The following PNPLA7 variants were observed in gnomAD, a reference collection of about 807,000 sequenced individuals.
PNPLA7 encodes the protein patatin like domain 7, lysophospholipase.
A neutral mutation model predicts 161.7 loss-of-function variants in PNPLA7; 153 were observed. The ratio of observed to expected loss-of-function variants is 0.95; its 90% CI spans 0.83 to 1.08. The LOEUF (loss-of-function observed/expected upper bound fraction) is 1.08, where lower values mean the gene tolerates loss of function less well. Among genes scored for constraint, PNPLA7 ranks in the 50% least tolerant of loss-of-function variants. PNPLA7 has a pLI of 0.00. For missense variants in PNPLA7, 1,739 were observed against 1,856.6 expected (o/e 0.94, Z 1.16); for synonymous variants, 809 against 782.1 (o/e 1.03, Z -0.57).
At chr9:137,510,697 T>C (rs1834177286) in intron 12 of PNPLA7, among the ~76,000 whole-genome samples, 1 of 152,190 alleles carries the variant, frequency 6.6e-6, no homozygotes, top group South Asian at 2.1e-4. Context: ...CTTTGTCTTG[T>C]GTCTTTATTT....
At chr9:137,475,357 A>G (rs181566991) in intron 25 of PNPLA7, among the ~76,000 whole-genome samples, 142 of 152,292 alleles carry the variant, frequency 9.3e-4, no homozygotes, top group Non-Finnish European at 1.7e-3. Context: ...CCTGGGCAAC[A>G]AAGCGAGACC....
chr9:137,461,657 C>T (rs1481720674), intron 32 of PNPLA7, 37 bp from the exon 33 acceptor site: 2 of 1,514,928 alleles, frequency 1.3e-6, no homozygotes, highest in East Asian at 2.4e-5. Flanking sequence ...TGCCTGTGGA[C>T]ACCCGCCTGC....
intron 8 of PNPLA7, among the ~76,000 whole-genome samples, chr9:137,528,719 G>A (rs1351557522): frequency 5.9e-5 from 7 of 117,904 alleles, no homozygotes; most frequent in African/African-American, 2.0e-4. Flanking sequence ...TTTTTTTTTT[G>A]AGATGGAGTC....
At position 137,547,384 on chromosome 9, in the gene PNPLA7, C is replaced by T. The variant is rs374252978; in HGVS notation, c.118G>A (p.Ala40Thr). The T allele has an allele frequency of 9.1e-5, 147 of 1,613,482 alleles. 1 individual carries two copies. In the East Asian group the frequency reaches 2.6e-3, roughly 28 times the overall value. ...GCCAGGGCCAGGAGGGCTCCAACTGCAATCCCCGTCAGCTGGCCGAGAGTG... is the reference window on the plus strand; with the variant it reads ...GCCAGGGCCAGGAGGGCTCCAACTGTAATCCCCGTCAGCTGGCCGAGAGTG... ...GSPSTMLTGI[A>T]VGALLALALV... The change falls in exon 3 of 35, where the codon GCA (alanine) becomes ACA (threonine). Residue 40 changes from alanine to threonine, a missense_variant. By Grantham distance (58) the Ala-to-Thr change is moderately conservative (BLOSUM62 0). Coordinates refer to ENST00000406427, the MANE Select transcript of PNPLA7 (RefSeq NM_001098537.3). The surrounding 1 kb of genome is among the most constrained non-coding windows in gnomAD (Gnocchi z 4.6).
At chr9:137,525,453 G>A (rs1160294078) in intron 8 of PNPLA7, among the ~76,000 whole-genome samples, 1 of 152,228 alleles carries the variant, frequency 6.6e-6, no homozygotes, top group Non-Finnish European at 1.5e-5. Context: ...GGTAAGAAGT[G>A]TGAGTCGTCT....
Position 137,460,353 on chromosome 9 carries a change from C to T in PNPLA7, c.*40G>A. ...AGGAGCCTCAGCCTTGGGGACAGTC[C>T]CACGGAAGACGCTGCATCCGGGCTC... On this transcript the variant is annotated 3_prime_UTR_variant, in exon 35 of 35. Transcript: ENST00000406427. 2 of 1,578,588 alleles carry T rather than the reference C, an allele frequency of 1.3e-6. No individual in the cohort carries two copies. Among genetic ancestry groups the T allele is most frequent in the African/African-American group, 1.3e-5 (1 of 74,116 alleles).
chr9:137,473,078 T>C (rs1331264150), intron 25 of PNPLA7, among the ~76,000 whole-genome samples: 1 of 152,174 alleles, frequency 6.6e-6, no homozygotes, highest in Non-Finnish European at 1.5e-5. Context: ...CAAGGGCACA[T>C]GTGCAGGGGA....
rs1836172077 is a variant in PNPLA7 at position 137,540,998 on chromosome 9, C to T, written c.667-276G>A. The T allele has an allele frequency of 4.8e-6, 2 of 412,740 alleles. No individual in the cohort carries two copies. The highest frequency in any genetic ancestry group is 6.1e-5 in the South Asian group (2 of 32,632). The allele number at this position is 412,740 out of a possible 1,614,324, so 25.6% of individuals were successfully genotyped here. ...TTCAATGTGGGGACTGAGGCAAAAG[C>T]TCGCAGAGCCTGTTTGTTTGCTGAG... On this transcript the variant is annotated intron_variant, in intron 7 of 34. Coordinates refer to ENST00000406427, the MANE Select transcript of PNPLA7 (RefSeq NM_001098537.3). The surrounding 1 kb of genome is among the most constrained non-coding windows in gnomAD (Gnocchi z 5.1).
chr9:137,487,231 A>T (rs1832532253), intron 20 of PNPLA7, among the ~76,000 whole-genome samples: 1 of 152,224 alleles, frequency 6.6e-6, no homozygotes, highest in Non-Finnish European at 1.5e-5. Flanking sequence ...GCCCAGCTGC[A>T]TCCCCAGCTG....
intron 4 of PNPLA7, among the ~76,000 whole-genome samples, chr9:137,545,035 C>T (rs931017726): frequency 7.2e-5 from 11 of 152,078 alleles, no homozygotes; most frequent in Admixed American, 2.0e-4. Context: ...TCAGTCTGTG[C>T]GGTTTCTGTG....
At position 137,523,325 on chromosome 9, in the gene PNPLA7, T is replaced by A. The variant is rs1358064934; in HGVS notation, c.748-468A>T. Reference sequence around the variant, plus strand: ...CACTGTCAAATGCCCACCGCCACAGTGGGGTCACCGCCTAGGACAGGGAGC... The same window carrying A: ...CACTGTCAAATGCCCACCGCCACAGAGGGGTCACCGCCTAGGACAGGGAGC... On this transcript the variant is annotated intron_variant, in intron 8 of 34. Transcript: ENST00000406427. This position sits in a 1 kb window ranked among gnomAD's most constrained non-coding sequence, Gnocchi z 4.4. Among the ~76,000 whole-genome samples, 1 of 147,946 alleles carries A rather than the reference T, an allele frequency of 6.8e-6. No individual in the cohort carries two copies. The highest frequency in any genetic ancestry group is 1.5e-5 in the Non-Finnish European group (1 of 67,410).
chr9:137,480,579 G>T, intron 22 of PNPLA7, 99 bp from the exon 23 acceptor site: 2 of 1,346,168 alleles, frequency 1.5e-6, no homozygotes, highest in Non-Finnish European at 1.0e-6. Context: ...AGCACCAGCC[G>T]CTGCCCCTTC....
Position 137,460,086 on chromosome 9 carries a change from T to C in PNPLA7, c.*307A>G. On this transcript the variant is annotated 3_prime_UTR_variant, in exon 35 of 35. Transcript: ENST00000406427. ...GGGGCCTCACAGGGCAGCAGGTGGT[T>C]CACAGGGCTTCGGGGGGCCTCACAG... The C allele has an allele frequency of 3.1e-6, 1 of 321,210 alleles. No individual in the cohort carries two copies. The highest frequency in any genetic ancestry group is 6.0e-6 in the Non-Finnish European group (1 of 165,596). 19.9% of individuals were successfully genotyped at this position (321,210 alleles called of 1,614,324 possible).
intron 22 of PNPLA7, 70 bp from the exon 23 acceptor site, chr9:137,480,550 C>A: frequency 6.6e-7 from 1 of 1,512,028 alleles, no homozygotes. Flanking sequence ...GTCCCCGGGG[C>A]AAAGAGGCAG....
intron 25 of PNPLA7, among the ~76,000 whole-genome samples, chr9:137,477,595 C>A (rs867497622): frequency 6.6e-6 from 1 of 152,220 alleles, no homozygotes; most frequent in East Asian, 1.9e-4. Context: ...ACTACAGGTG[C>A]GCGCCACCAC....
In PNPLA7 at chr9:137,462,334, G is replaced by C. The variant is rs765339694; in HGVS notation, c.3493-3C>G. 14 of 1,594,012 alleles carry C rather than the reference G, an allele frequency of 8.8e-6. No individual in the cohort carries two copies. The East Asian group carries it at 3.1e-4, about 36-fold the overall frequency. ...TGAATCTCTGCCATGTTCAACACCT[G>C]CTGCCGTCACAGCCGCCTGAGTCTC... is the stretch of plus-strand genomic sequence containing the variant. On this transcript the variant is annotated splice_region_variant and splice_polypyrimidine_tract_variant and intron_variant, in intron 30 of 34. Transcript: ENST00000406427.
At chr9:137,506,194 C>T in intron 12 of PNPLA7, 111 bp from the exon 13 acceptor site, 1 of 836,936 alleles carries the variant, frequency 1.2e-6, no homozygotes, top group Non-Finnish European at 1.9e-6. Context: ...CCGGCAGCTC[C>T]CTCGAGGGAG....
chr9:137,463,481 G>T lies in PNPLA7; in HGVS notation c.3277C>A (p.Pro1093Thr), dbSNP rs537471268. ...CCGTCCTTCGGGTCACAGAGAGGGG[G>T]CATGTAACCGGACAGGGACATGCTG... Reference protein sequence around the residue: ...RASMSLSGYMPPLCDPKDGHL... With the variant: ...RASMSLSGYMTPLCDPKDGHL... The change falls in exon 29 of 35, where the codon CCC becomes ACC. Residue 1093 changes from proline (P) to threonine (T), a missense_variant. Pro to Thr is a conservative substitution (Grantham distance 38, BLOSUM62 -1). Coordinates refer to ENST00000406427, the MANE Select transcript of PNPLA7 (RefSeq NM_001098537.3). 26 of 1,592,020 alleles carry T rather than the reference G, an allele frequency of 1.6e-5. No homozygotes were observed. The highest frequency in any genetic ancestry group is 2.1e-5 in the Non-Finnish European group (24 of 1,169,610).
chr9:137,491,084 G>T (rs1048678369), intron 20 of PNPLA7, among the ~76,000 whole-genome samples: 2 of 152,096 alleles, frequency 1.3e-5, no homozygotes, highest in African/African-American at 2.4e-5. Flanking sequence ...ACTCAAAAAA[G>T]TTCAAGTAAC....
Sources: gnomAD v4.1 joint callset for allele counts (sites outside exome capture counted in the v4.1 genomes callset) on GRCh38, gnomAD v4.1.1 for gene constraint, Gnocchi (gnomAD v3.1) non-coding constraint, MANE v1.5 for transcripts, NCBI Gene and HGNC (gene_info 2026-07-23, HGNC 2026-07-21) for gene names.